The following METTL15 variants were observed in gnomAD, a reference collection of about 807,000 sequenced individuals.
The protein encoded by METTL15 is methyltransferase 15, mitochondrial 12S rRNA N4-cytidine.
Under a neutral mutation model 38.3 loss-of-function variants are expected in METTL15, and 34 were observed. The ratio of observed to expected loss-of-function variants is 0.89; its 90% CI spans 0.68 to 1.18. The LOEUF (loss-of-function observed/expected upper bound fraction) is 1.18, where lower values mean the gene tolerates loss of function less well. Among genes scored for constraint, METTL15 ranks in the 50% most tolerant of loss-of-function variants. The pLI is 0.00. For synonymous variants in METTL15, 162 were observed against 170.9 expected, an observed-to-expected ratio of 0.95 and a Z score of 0.41; for missense variants, 438 against 498.4, an observed-to-expected ratio of 0.88 and a Z score of 1.15.
At chr11:28,131,005 G>T (rs1852749973) in intron 3 of METTL15, among the ~76,000 whole-genome samples, 1 of 152,010 alleles carries the variant, frequency 6.6e-6, no homozygotes, top group African/African-American at 2.4e-5. Context: ...CATGTGCTGT[G>T]CATTTGTGCA....
intron 6 of METTL15, among the ~76,000 whole-genome samples, chr11:28,439,729 TA>T (rs921508537): frequency 2.2e-4 from 33 of 152,282 alleles, no homozygotes; most frequent in Middle Eastern, 6.8e-3. Flanking sequence ...CTACTGCAAT[TA>T]TCTGTTGGAA....
At chr11:28,524,332 A>T (rs1851791751) in intron 6 of METTL15, among the ~76,000 whole-genome samples, 1 of 152,226 alleles carries the variant, frequency 6.6e-6, no homozygotes, top group East Asian at 1.9e-4. Flanking sequence ...TTCCCACCCA[A>T]GTCTATGACT....
intron 6 of METTL15, among the ~76,000 whole-genome samples, chr11:28,304,514 G>A (rs1857015175): frequency 6.6e-6 from 1 of 152,046 alleles, no homozygotes; most frequent in South Asian, 2.1e-4. Context: ...CCAGGAGTTC[G>A]AAACTGGCCT....
At chr11:28,185,908 C>G (rs1851476807) in intron 3 of METTL15, among the ~76,000 whole-genome samples, 1 of 149,044 alleles carries the variant, frequency 6.7e-6, no homozygotes, top group Non-Finnish European at 1.5e-5. Flanking sequence ...TAAATATACA[C>G]ACGTATCTAA....
At chr11:28,225,444 T>C (rs1853436902) in intron 4 of METTL15, among the ~76,000 whole-genome samples, 1 of 151,888 alleles carries the variant, frequency 6.6e-6, no homozygotes, top group South Asian at 2.1e-4. Flanking sequence ...TTCTTACATT[T>C]GCAATAACTT....
At chr11:28,482,581 T>G (rs1422424231) in intron 6 of METTL15, among the ~76,000 whole-genome samples, 1 of 152,228 alleles carries the variant, frequency 6.6e-6, no homozygotes, top group Non-Finnish European at 1.5e-5. Context: ...TTCCATTGTG[T>G]ATTAGCTTAT....
intron 4 of METTL15, among the ~76,000 whole-genome samples, chr11:28,275,209 A>T (rs1855796557): frequency 6.6e-6 from 1 of 151,790 alleles, no homozygotes. Context: ...CAAAATTGAT[A>T]AGCCACTAGT....
At chr11:28,401,052 G>C (rs1850625968) in intron 5 of METTL15, among the ~76,000 whole-genome samples, 1 of 152,090 alleles carries the variant, frequency 6.6e-6, no homozygotes, top group African/African-American at 2.4e-5. Flanking sequence ...TTTCATTAGA[G>C]CAAAAGATAG....
chr11:28,518,496 TG>T (rs1240875300), intron 6 of METTL15, among the ~76,000 whole-genome samples: 1 of 152,182 alleles, frequency 6.6e-6, no homozygotes, highest in African/African-American at 2.4e-5. Context: ...TCTTGTTCCA[TG>T]GGCAGGAATG....
In METTL15 at chr11:28,378,761, G is replaced by GTT. The variant is rs61227879; in HGVS notation, c.*358+16742_*358+16743dup. Reference sequence around the variant, plus strand: ...GGTTTGAAGTATTCCCTCCTCTTCAGTTTTTTTTTTTTTTTTTTGAAGATT... The same window carrying GTT: ...GGTTTGAAGTATTCCCTCCTCTTCAGTTTTTTTTTTTTTTTTTTTTGAAGATT... On this transcript the variant is annotated intron_variant and NMD_transcript_variant, in intron 5 of 7. Coordinates refer to the METTL15 transcript ENST00000532947. Among the ~76,000 whole-genome samples, 1,055 of 123,918 alleles carry GTT rather than the reference G, an allele frequency of 8.5e-3. 18 individuals are homozygous for GTT. Among genetic ancestry groups the GTT allele is most frequent in the Middle Eastern group, 0.023 (5 of 218 alleles). The allele number at this position is 123,918 out of a possible 152,430, so 81.3% of individuals were successfully genotyped here. A position where few individuals can be genotyped will look rare whatever the true frequency, so the allele number is the denominator to read the frequency against.
chr11:28,226,266 A>C (rs1267687934), intron 4 of METTL15, among the ~76,000 whole-genome samples: 1 of 151,806 alleles, frequency 6.6e-6, no homozygotes, highest in African/African-American at 2.4e-5. Context: ...TCAGATTTAC[A>C]TTTGGTAAGA....
intron 6 of METTL15, among the ~76,000 whole-genome samples, chr11:28,514,850 A>G (rs765826365): frequency 6.6e-6 from 1 of 152,236 alleles, no homozygotes; most frequent in Non-Finnish European, 1.5e-5. Flanking sequence ...TCTAATGAAC[A>G]TTAATGCAAA....
intron 3 of METTL15, among the ~76,000 whole-genome samples, chr11:28,124,222 C>G (rs11030220): frequency 0.38 from 57,362 of 151,832 alleles, 12,396 homozygotes; most frequent in African/African-American, 0.59. Context: ...TTCTTATGTT[C>G]TAGAGGACAC....
At chr11:28,379,966 T>C (rs1319769532) in intron 5 of METTL15, among the ~76,000 whole-genome samples, 2 of 152,320 alleles carry the variant, frequency 1.3e-5, no homozygotes, top group East Asian at 1.9e-4. Context: ...TAGCAATCTT[T>C]GTCTCTTTTT....
At chr11:28,451,767 G>C (rs1270063955) in intron 6 of METTL15, among the ~76,000 whole-genome samples, 1 of 152,142 alleles carries the variant, frequency 6.6e-6, no homozygotes, top group Non-Finnish European at 1.5e-5. Context: ...TGCTGGTGAC[G>C]TTAGCCAAGA....
At chr11:28,513,533 A>C (rs1446152443) in intron 6 of METTL15, among the ~76,000 whole-genome samples, 3 of 152,150 alleles carry the variant, frequency 2.0e-5, no homozygotes, top group African/African-American at 7.2e-5. Context: ...CCTAACCCAG[A>C]GGTGCTAGAG....
intron 3 of METTL15, among the ~76,000 whole-genome samples, chr11:28,209,686 T>A (rs1031176710): frequency 6.6e-6 from 1 of 151,972 alleles, no homozygotes; most frequent in East Asian, 1.9e-4. Context: ...CTAACTTTTA[T>A]GAGGACTTGA....
At chr11:28,460,971 T>C (rs1372485598) in intron 6 of METTL15, among the ~76,000 whole-genome samples, 1 of 152,062 alleles carries the variant, frequency 6.6e-6, no homozygotes, top group Non-Finnish European at 1.5e-5. Context: ...ATAGAATTAT[T>C]ATGTGCTTTG....
chr11:28,502,619 A>G (rs561263399), intron 6 of METTL15, among the ~76,000 whole-genome samples: 1 of 152,380 alleles, frequency 6.6e-6, no homozygotes, highest in African/African-American at 2.4e-5. Flanking sequence ...GCATATTTTT[A>G]TAAGATATGA....
Sources: allele counts gnomAD v4.1 joint callset (sites outside exome capture counted in the v4.1 genomes callset), GRCh38; gene constraint gnomAD v4.1.1; transcripts MANE v1.5; gene names NCBI Gene and HGNC (gene_info 2026-07-23, HGNC 2026-07-21).